The following PCSK5 variants were observed in gnomAD, a reference collection of about 807,000 sequenced individuals.
PCSK5 encodes the protein prohormone convertase 5.
Under a neutral mutation model 233.2 loss-of-function variants are expected in PCSK5, and 129 were observed. The observed-to-expected ratio is 0.55, with a 90% confidence interval of 0.48 to 0.64. The LOEUF is 0.64. PCSK5 is among the 30% of genes least tolerant of loss of function. The pLI, the probability that PCSK5 is intolerant of heterozygous loss-of-function variation, is 0.00. For missense variants in PCSK5, 2,076 were observed against 2,430.1 expected (o/e 0.85, Z 3.06); for synonymous variants, 825 against 879.2 (o/e 0.94, Z 1.09).
Position 76,359,116 on chromosome 9 carries a change from A to T in PCSK5, c.*194A>T. ...TTTTGAGTGGCTAAACTCAATTAAC[A>T]GTTCCTGTTCAACCGTAATTGAAGA... On this transcript the variant is annotated 3_prime_UTR_variant, in exon 38 of 38. Transcript: ENST00000674117. 1.7e-6 allele frequency: 1 copy of T among 575,638 alleles called. No individual in the cohort carries two copies. The highest frequency in any genetic ancestry group is 2.3e-5 in the South Asian group (1 of 43,448). 35.7% of individuals were successfully genotyped at this position (575,638 alleles called of 1,614,324 possible). A position where few individuals can be genotyped will look rare whatever the true frequency, so the allele number is the denominator to read the frequency against.
intron 1 of PCSK5, among the ~76,000 whole-genome samples, chr9:75,919,965 C>G (rs1362579451): frequency 6.6e-6 from 1 of 152,062 alleles, no homozygotes; most frequent in African/African-American, 2.4e-5. Context: ...GTCATGAGTT[C>G]GAGACCAACC....
intron 24 of PCSK5, among the ~76,000 whole-genome samples, chr9:76,251,987 G>C (rs573147806): frequency 6.6e-6 from 1 of 152,172 alleles, no homozygotes; most frequent in Middle Eastern, 3.4e-3. Flanking sequence ...GATAAAAGAG[G>C]CCGGGCGTGG....
intron 35 of PCSK5, among the ~76,000 whole-genome samples, chr9:76,347,909 A>G (rs964784045): frequency 2.0e-5 from 3 of 152,034 alleles, no homozygotes; most frequent in Admixed American, 6.6e-5. Flanking sequence ...AATTATATAT[A>G]TTTATAGGGT....
chr9:76,058,108 A>G (rs1829889535), intron 5 of PCSK5, among the ~76,000 whole-genome samples: 1 of 152,154 alleles, frequency 6.6e-6, no homozygotes, highest in South Asian at 2.1e-4. Flanking sequence ...ATTGGCCCCA[A>G]AAAACTGCAA....
At chr9:76,073,513 G>A (rs1288510695) in intron 7 of PCSK5, among the ~76,000 whole-genome samples, 2 of 152,016 alleles carry the variant, frequency 1.3e-5, no homozygotes, top group Non-Finnish European at 2.9e-5. Flanking sequence ...ATGTAATCTG[G>A]TGATTTCATT....
At chr9:76,064,885 C>G (rs1021183189) in intron 5 of PCSK5, among the ~76,000 whole-genome samples, 3 of 152,242 alleles carry the variant, frequency 2.0e-5, no homozygotes, top group Non-Finnish European at 4.4e-5. Context: ...CGCAGTCTCC[C>G]TATCTTGCCT....
chr9:76,164,223 G>A (rs1822998185), intron 12 of PCSK5, among the ~76,000 whole-genome samples: 1 of 152,098 alleles, frequency 6.6e-6, no homozygotes, highest in Non-Finnish European at 1.5e-5. Flanking sequence ...CACTTTTGCA[G>A]TGAATGTTTT....
At chr9:76,206,432 C>A (rs1825118416) in intron 20 of PCSK5, among the ~76,000 whole-genome samples, 1 of 152,174 alleles carries the variant, frequency 6.6e-6, no homozygotes, top group African/African-American at 2.4e-5. Context: ...CATCCCCACC[C>A]CAGAAGACAG....
intron 16 of PCSK5, among the ~76,000 whole-genome samples, chr9:76,183,419 A>G (rs939727034): frequency 6.6e-6 from 1 of 152,220 alleles, no homozygotes; most frequent in Non-Finnish European, 1.5e-5. Context: ...ATTACTGCCA[A>G]CACATTTACA....
At chr9:75,918,326 C>A (rs1823096364) in intron 1 of PCSK5, among the ~76,000 whole-genome samples, 1 of 152,176 alleles carries the variant, frequency 6.6e-6, no homozygotes, top group Non-Finnish European at 1.5e-5. Flanking sequence ...CTCCTTCTCA[C>A]CTCTTGGATT....
intron 35 of PCSK5, among the ~76,000 whole-genome samples, chr9:76,344,719 A>C (rs1416384532): frequency 6.6e-6 from 1 of 152,172 alleles, no homozygotes; most frequent in Non-Finnish European, 1.5e-5. Context: ...TATTCCAACT[A>C]GGGTTGTCTG....
At chr9:75,972,077 A>G (rs1161922223) in intron 2 of PCSK5, among the ~76,000 whole-genome samples, 1 of 152,196 alleles carries the variant, frequency 6.6e-6, no homozygotes, top group Non-Finnish European at 1.5e-5. Flanking sequence ...GAAGGGGTCC[A>G]GTTTCAATTT....
intron 5 of PCSK5, among the ~76,000 whole-genome samples, chr9:76,056,823 T>C (rs1200199272): frequency 6.6e-6 from 1 of 152,208 alleles, no homozygotes; most frequent in Non-Finnish European, 1.5e-5. Context: ...TATTAGTTTG[T>C]CTACAGCCAA....
At chr9:76,101,864 C>A (rs896092069) in intron 8 of PCSK5, among the ~76,000 whole-genome samples, 5 of 152,164 alleles carry the variant, frequency 3.3e-5, no homozygotes, top group African/African-American at 1.2e-4. Flanking sequence ...TCTTCTACCA[C>A]CCGATTCATT....
At chr9:76,156,699 T>C (rs182847415) in intron 10 of PCSK5, among the ~76,000 whole-genome samples, 12 of 152,346 alleles carry the variant, frequency 7.9e-5, no homozygotes, top group African/African-American at 2.6e-4. Context: ...GCCAAGTTTT[T>C]CTGTTCTTCA....
chr9:76,279,075 A>C (rs1209385119), intron 24 of PCSK5, among the ~76,000 whole-genome samples: 128 of 75,116 alleles, frequency 1.7e-3, no homozygotes, highest in African/African-American at 6.1e-3. Flanking sequence ...CCCCCACCCC[A>C]CCACAGTCCC....
chr9:76,124,663 T>C (rs1832771518), intron 9 of PCSK5, among the ~76,000 whole-genome samples: 1 of 149,510 alleles, frequency 6.7e-6, no homozygotes, highest in South Asian at 2.1e-4. Context: ...GGGGAATCAC[T>C]TGAACCCGGG....
chr9:76,025,410 A>AGG (rs1396799518), intron 4 of PCSK5, among the ~76,000 whole-genome samples: 1 of 151,952 alleles, frequency 6.6e-6, no homozygotes, highest in Non-Finnish European at 1.5e-5. Flanking sequence ...GGAGAGAGAG[A>AGG]GAGAGAGAGA....
chr9:76,289,139 C>T (rs1037117171), intron 24 of PCSK5, among the ~76,000 whole-genome samples: 1 of 152,054 alleles, frequency 6.6e-6, no homozygotes, highest in Non-Finnish European at 1.5e-5. Context: ...CCCACCCCAC[C>T]CCATACAAAT....
Sources: gnomAD v4.1 joint callset for allele counts (sites outside exome capture counted in the v4.1 genomes callset) on GRCh38, gnomAD v4.1.1 for gene constraint, MANE v1.5 for transcripts, NCBI Gene and HGNC (gene_info 2026-07-23, HGNC 2026-07-21) for gene names.